DROSHA: variants seen among roughly 807,000 people sequenced by gnomAD.
DROSHA encodes drosha ribonuclease III.
In DROSHA, 56 loss-of-function variants were observed where a neutral mutation model predicts 181.9. That is an observed-to-expected ratio of 0.31 (90% CI 0.25 to 0.38). The LOEUF (loss-of-function observed/expected upper bound fraction) is 0.38. Among genes scored for constraint, DROSHA ranks in the 10% least tolerant of loss-of-function variants. DROSHA has a pLI of 1.00. For missense variants in DROSHA, 1,218 were observed against 1,743.5 expected (o/e 0.70, Z 5.37); for synonymous variants, 524 against 591.2 (o/e 0.89, Z 1.65).
At chr5:31,487,402 A>G (rs886666878) in intron 13 of DROSHA, among the ~76,000 whole-genome samples, 3 of 152,230 alleles carry the variant, frequency 2.0e-5, no homozygotes, top group African/African-American at 7.2e-5. Flanking sequence ...CCAATGTATC[A>G]TCAGACAATT....
rs145788003 is a variant in DROSHA at position 31,467,924 on chromosome 5, T to G, written c.2366+15A>C. On this transcript the variant is annotated intron_variant, in intron 18 of 35. Coordinates refer to ENST00000344624, the MANE Select transcript of DROSHA (RefSeq NM_001382508.1). The stretch of plus-strand genomic sequence containing the variant: ...AGGTGAAATTGGCTAAGACAAACAC[T>G]GAGAAATATCTTACTGTGGGTCTCC... 1.9e-6 allele frequency: 3 copies of G among 1,609,956 alleles called. No individual in the cohort carries two copies. Among genetic ancestry groups the G allele is most frequent in the East Asian group, 4.5e-5 (2 of 44,804 alleles).
chr5:31,462,919 T>A (rs1433709197), intron 20 of DROSHA, among the ~76,000 whole-genome samples: 1 of 152,184 alleles, frequency 6.6e-6, no homozygotes, highest in African/African-American at 2.4e-5. Flanking sequence ...TAGTTCTTAA[T>A]GCTCAACAGT....
intron 16 of DROSHA, among the ~76,000 whole-genome samples, chr5:31,476,692 T>G (rs1199675681): frequency 6.6e-6 from 1 of 152,142 alleles, no homozygotes; most frequent in East Asian, 1.9e-4. Context: ...GAGACTCTGC[T>G]CCCTGTCTGG....
chr5:31,480,587 T>C (rs1435163191), intron 16 of DROSHA, among the ~76,000 whole-genome samples: 1 of 152,158 alleles, frequency 6.6e-6, no homozygotes, highest in African/African-American at 2.4e-5. Context: ...TTTCAGTATT[T>C]ATGTTATAGT....
Position 31,532,021 on chromosome 5 carries a change from G to A in DROSHA, c.-281C>T, listed in dbSNP as rs1417363964. 3.7e-6 allele frequency: 1 copy of A among 270,202 alleles called. No homozygotes were observed. Among genetic ancestry groups the A allele is most frequent in the Non-Finnish European group, 7.1e-6 (1 of 139,964 alleles). The allele number at this position is 270,202 out of a possible 1,614,324, so 16.7% of individuals were successfully genotyped here. A position where few individuals can be genotyped will look rare whatever the true frequency, so the allele number is the denominator to read the frequency against. ...AAGGCTCTCGGGCCGCGAGATCGCCGTCAGAGCAAAGCCAGGCTACTACCG... is the reference window on the plus strand; with the variant it reads ...AAGGCTCTCGGGCCGCGAGATCGCCATCAGAGCAAAGCCAGGCTACTACCG... On this transcript the variant is annotated 5_prime_UTR_variant, in exon 1 of 36. In the 5' UTR this introduces an upstream ATG that the reference lacks. Transcript: ENST00000344624.
At chr5:31,525,954 G>A (rs537280674) in intron 5 of DROSHA, 125 bp downstream of exon 5, 4 of 969,756 alleles carry the variant, frequency 4.1e-6, no homozygotes, top group Admixed American at 5.9e-5. Context: ...AGTCCAAAAT[G>A]TGCTTCCTTT....
At chr5:31,438,419 T>C (rs1444690649) in intron 23 of DROSHA, among the ~76,000 whole-genome samples, 1 of 152,022 alleles carries the variant, frequency 6.6e-6, no homozygotes, top group Non-Finnish European at 1.5e-5. Context: ...GGGATGCATT[T>C]TGGAGACACA....
chr5:31,456,696 A>G (rs543350696), intron 20 of DROSHA, among the ~76,000 whole-genome samples: 2 of 152,236 alleles, frequency 1.3e-5, no homozygotes, highest in African/African-American at 4.8e-5. Context: ...AAAGCCAAAC[A>G]TATCAATAAG....
chr5:31,470,640 A>C lies in DROSHA; in HGVS notation c.2241+1423T>G, dbSNP rs1749623948. 6.6e-6 allele frequency among the ~76,000 whole-genome samples: 1 copy of C among 152,190 alleles called. No individual in the cohort carries two copies. Among genetic ancestry groups the C allele is most frequent in the African/African-American group, 2.4e-5 (1 of 41,444 alleles). ...CGTTTGAGGATTTTTTTTTAACTAC[A>C]GAAAACTGGGCCTCACTGCCTGGAG... is the stretch of plus-strand genomic sequence containing the variant. On this transcript the variant is annotated intron_variant, in intron 17 of 35. Coordinates refer to ENST00000344624, the MANE Select transcript of DROSHA (RefSeq NM_001382508.1). The surrounding 1 kb of genome is among the most constrained non-coding windows in gnomAD (Gnocchi z 4.0).
intron 24 of DROSHA, among the ~76,000 whole-genome samples, chr5:31,436,245 TCTC>T (rs1475977490): frequency 6.6e-6 from 1 of 152,086 alleles, no homozygotes; most frequent in African/African-American, 2.4e-5. Context: ...AGGAGTCCCT[TCTC>T]CTGATTATGT....
chr5:31,483,646 GAAAAAAAA>G lies in DROSHA; in HGVS notation c.1997-26_1997-19del, dbSNP rs11341915. Reference sequence around the variant, plus strand: ...CAAAGGACCTGAAGCAAACAAATGAGAAAAAAAAAAAAAAAAGAAAACTCAGTCTTAAA... The same window carrying G: ...CAAAGGACCTGAAGCAAACAAATGAGAAAAAAAAGAAAACTCAGTCTTAAA... On this transcript the variant is annotated intron_variant, in intron 15 of 35. Transcript: ENST00000344624. 3 of 1,236,720 alleles carry G rather than the reference GAAAAAAAA, an allele frequency of 2.4e-6. No homozygotes were observed. Among genetic ancestry groups the G allele is most frequent in the Admixed American group, 2.7e-5 (1 of 37,006 alleles). 76.6% of individuals were successfully genotyped at this position (1,236,720 alleles called of 1,614,324 possible). A position where few individuals can be genotyped will look rare whatever the true frequency, so the allele number is the denominator to read the frequency against.
At chr5:31,426,030 G>T (rs1176462538) in intron 27 of DROSHA, among the ~76,000 whole-genome samples, 1 of 151,896 alleles carries the variant, frequency 6.6e-6, no homozygotes, top group African/African-American at 2.4e-5. Flanking sequence ...AGTCTCCAAG[G>T]CTCAAAATTC....
chr5:31,407,240 A>G (rs1040408155), intron 33 of DROSHA, among the ~76,000 whole-genome samples: 4 of 152,210 alleles, frequency 2.6e-5, no homozygotes, highest in Non-Finnish European at 4.4e-5. Context: ...ATATTTTCAA[A>G]GAATTTCTAA....
At chr5:31,464,764 G>T (rs949591996) in intron 19 of DROSHA, among the ~76,000 whole-genome samples, 2 of 151,812 alleles carry the variant, frequency 1.3e-5, no homozygotes, top group African/African-American at 4.8e-5. Flanking sequence ...CTTCTAACTT[G>T]CAAACCCTTA....
At chr5:31,448,526 T>C (rs1746574983) in intron 23 of DROSHA, 21 bp downstream of exon 23, 21 of 1,601,254 alleles carry the variant, frequency 1.3e-5, no homozygotes, top group Non-Finnish European at 1.8e-5. Context: ...AATCAGGTTG[T>C]TTATTAAAAA....
intron 13 of DROSHA, among the ~76,000 whole-genome samples, chr5:31,491,687 T>G (rs1561245879): frequency 1.0e-5 from 1 of 96,630 alleles, no homozygotes. Flanking sequence ...GTTTCAAAGT[T>G]TGTGACACTT....
chr5:31,499,497 A>T (rs963974349), intron 11 of DROSHA, among the ~76,000 whole-genome samples: 1 of 152,176 alleles, frequency 6.6e-6, no homozygotes, highest in African/African-American at 2.4e-5. Flanking sequence ...GGGCAACTAA[A>T]CTTTAAAGAT....
At chr5:31,504,807 C>T (rs1042542585) in intron 10 of DROSHA, among the ~76,000 whole-genome samples, 172 bp from the exon 11 acceptor site, 2 of 152,172 alleles carry the variant, frequency 1.3e-5, no homozygotes, top group Admixed American at 6.5e-5. Flanking sequence ...TGCAAACTGT[C>T]TATATTGTCT....
intron 11 of DROSHA, among the ~76,000 whole-genome samples, chr5:31,495,887 G>A (rs1752922972): frequency 1.3e-5 from 2 of 152,336 alleles, no homozygotes; most frequent in Non-Finnish European, 1.5e-5. Context: ...TGCCCTTGTT[G>A]CAGACAGCTG....
Sources: gnomAD v4.1 joint callset for allele counts (sites outside exome capture counted in the v4.1 genomes callset) on GRCh38, gnomAD v4.1.1 for gene constraint, Gnocchi (gnomAD v3.1) non-coding constraint, MANE v1.5 for transcripts, NCBI Gene and HGNC (gene_info 2026-07-23, HGNC 2026-07-21) for gene names.